Variants in YY1AP1 observed in about 807,000 individuals in gnomAD.
The protein encoded by YY1AP1 is YY1-associated protein 1.
In YY1AP1, 43 loss-of-function variants were observed where a neutral mutation model predicts 39.9. That is an observed-to-expected ratio of 1.08 (90% confidence interval 0.84 to 1.39). The LOEUF is 1.39. Among genes scored for constraint, YY1AP1 ranks in the 40% most tolerant of loss-of-function variants. The pLI, the probability that YY1AP1 is intolerant of heterozygous loss-of-function variation, is 0.00. For synonymous variants in YY1AP1, 292 were observed against 331.3 expected (o/e 0.88, Z 1.29); for missense variants, 813 against 900.7 (o/e 0.90, Z 1.25).
At position 155,676,753 on chromosome 1, in the gene YY1AP1, C is replaced by G; in HGVS notation, c.126-7G>C. The G allele has an allele frequency of 3.1e-6, 5 of 1,613,762 alleles. No homozygotes were observed. The highest frequency in any genetic ancestry group is 2.2e-5 in the South Asian group (2 of 91,054). ...GGCCAGTAGTTCCTCAAACCTATCC[C>G]AAACGGGGATGACTGAATTTGAGTG... is the stretch of plus-strand genomic sequence containing the variant. On this transcript the variant is annotated splice_polypyrimidine_tract_variant and splice_region_variant and intron_variant, in intron 4 of 10. Transcript: ENST00000355499.
Position 155,672,811 on chromosome 1 carries a change from G to C in YY1AP1, c.412-80C>G, listed in dbSNP as rs111458980. ...ATAGCCTTCAGAATCTAAATGAGAA[G>C]CTGACCTTCCTACTACAGGATAAAA... is the stretch of plus-strand genomic sequence containing the variant. On this transcript the variant is annotated intron_variant, in intron 6 of 10. Coordinates refer to ENST00000355499, the MANE Select transcript of YY1AP1 (RefSeq NM_139119.3). 6.9e-5 allele frequency: 110 copies of C among 1,594,900 alleles called. 1 individual carries two copies. In the African/African-American group the frequency reaches 9.5e-4, roughly 14 times the overall value.
At chr1:155,672,917 T>C (rs1343178877) in intron 6 of YY1AP1, among the ~76,000 whole-genome samples, 186 bp from the exon 7 acceptor site, 2 of 152,240 alleles carry the variant, frequency 1.3e-5, no homozygotes, top group Non-Finnish European at 2.9e-5. Flanking sequence ...TCAGGGATTA[T>C]ATTCTTGTTT....
At chr1:155,679,253 C>A (rs764019145) in intron 4 of YY1AP1, 156 bp downstream of exon 4, 2 of 1,537,024 alleles carry the variant, frequency 1.3e-6, no homozygotes, top group Admixed American at 2.0e-5. Flanking sequence ...AACAAGGAGA[C>A]TTCACTTGAC....
chr1:155,670,096 AGCC>A (rs1433137536), intron 8 of YY1AP1, among the ~76,000 whole-genome samples: 4 of 152,056 alleles, frequency 2.6e-5, no homozygotes, highest in Non-Finnish European at 5.9e-5. Flanking sequence ...TACAGGTGGG[AGCC>A]GCCATGTCCA....
chr1:155,682,400 T>TA (rs1187237497), intron 2 of YY1AP1, among the ~76,000 whole-genome samples: 3 of 152,160 alleles, frequency 2.0e-5, no homozygotes, highest in African/African-American at 7.2e-5. Context: ...AGATAAAAAA[T>TA]AGACATTTTT....
chr1:155,685,363 A>T (rs1330619998), intron 2 of YY1AP1, among the ~76,000 whole-genome samples: 1 of 152,152 alleles, frequency 6.6e-6, no homozygotes, highest in Non-Finnish European at 1.5e-5. Context: ...AAGCACAGAG[A>T]CCATATATTA....
intron 10 of YY1AP1, 54 bp from the exon 11 acceptor site, chr1:155,660,967 A>T: frequency 6.2e-7 from 1 of 1,612,468 alleles, no homozygotes; most frequent in Non-Finnish European, 8.5e-7. Context: ...TGGGAAAAAG[A>T]ATAGGACTTT....
At chr1:155,679,373 CTCTA>C (rs1478496834) in intron 4 of YY1AP1, 32 bp downstream of exon 4, 1 of 1,613,982 alleles carries the variant, frequency 6.2e-7, no homozygotes, top group African/African-American at 1.3e-5. Flanking sequence ...TAAACTCTTC[CTCTA>C]TTCCAAATCT....
chr1:155,677,398 A>G (rs1029809110), intron 4 of YY1AP1, among the ~76,000 whole-genome samples: 1 of 152,166 alleles, frequency 6.6e-6, no homozygotes, highest in Non-Finnish European at 1.5e-5. Context: ...GCTGAAGCAA[A>G]AATTCCAATA....
intron 9 of YY1AP1, among the ~76,000 whole-genome samples, chr1:155,664,246 A>G (rs1648611800): frequency 6.6e-6 from 1 of 152,146 alleles, no homozygotes; most frequent in Non-Finnish European, 1.5e-5. Flanking sequence ...AGAATTCTAG[A>G]TACAGTGACA....
At chr1:155,688,981 C>A (rs1487058396), upstream of YY1AP1, 3 of 1,607,098 alleles carry the variant, frequency 1.9e-6, no homozygotes, top group Non-Finnish European at 2.5e-6. Flanking sequence ...CTCCATGGGA[C>A]CGCGGCGAGG....
intron 2 of YY1AP1, 25 bp from the exon 3 acceptor site, chr1:155,680,481 G>A (rs1239910206): frequency 6.2e-7 from 1 of 1,600,508 alleles, no homozygotes; most frequent in Non-Finnish European, 8.6e-7. Flanking sequence ...AACGTTGTTG[G>A]TATAAATTAG....
intron 9 of YY1AP1, among the ~76,000 whole-genome samples, chr1:155,666,626 G>C (rs1649050172): frequency 6.6e-6 from 1 of 152,142 alleles, no homozygotes; most frequent in Non-Finnish European, 1.5e-5. Context: ...GTACCAATTA[G>C]AGGCTGAGAC....
chr1:155,660,571 C>A lies in YY1AP1; in HGVS notation c.1339G>T (p.Val447Leu), dbSNP rs145508654. The change falls in exon 11 of 11, where the codon GTG (valine) becomes TTG (leucine). Residue 447 changes from valine (V) to leucine (L), a missense_variant. Physicochemically the swap from Val to Leu is conservative, Grantham distance 32 (BLOSUM62 1). Around this residue, in one of 3 missense-constraint regions of YY1AP1, gnomAD observed 586 missense variants for 647.4 expected, o/e 0.91. Transcript: ENST00000355499. ...THSEAPPSKM[V>L]LRIPHPIQPA... ...TGTATTGGGTGAGGAATCCGGAGCA[C>A]CATTTTGCTCGGAGGGGCTTCTGAA... 5.9e-5 allele frequency: 95 copies of A among 1,613,944 alleles called. No homozygotes were observed. Among genetic ancestry groups the A allele is most frequent in the Non-Finnish European group, 7.4e-5 (87 of 1,180,018 alleles).
chr1:155,673,026 T>A (rs1650085202), intron 6 of YY1AP1, among the ~76,000 whole-genome samples: 1 of 152,098 alleles, frequency 6.6e-6, no homozygotes, highest in African/African-American at 2.4e-5. Context: ...TTTAATTAAT[T>A]AATTTATTTT....
Position 155,660,641 on chromosome 1 carries a change from G to C in YY1AP1, c.1269C>G (p.Leu423=), listed in dbSNP as rs1189727690. The change falls in exon 11 of 11, where the codon CTC becomes CTG. Residue 423 remains leucine, a synonymous_variant. Transcript: ENST00000355499. ...KPLLIQPSPS[L]QPSFNPGKTP... ...TTTTCCCAGGGTTGAAGCTGGGCTGGAGAGAGGGGCTGGGTTGGATAAGGA... is the reference window on the plus strand; with the variant it reads ...TTTTCCCAGGGTTGAAGCTGGGCTGCAGAGAGGGGCTGGGTTGGATAAGGA... 9 of 1,614,190 alleles carry C rather than the reference G, an allele frequency of 5.6e-6. No homozygotes were observed. The highest frequency in any genetic ancestry group is 7.6e-6 in the Non-Finnish European group (9 of 1,180,038).
intron 9 of YY1AP1, 90 bp from the exon 10 acceptor site, chr1:155,661,513 A>T: frequency 6.3e-7 from 1 of 1,579,394 alleles, no homozygotes. Context: ...GTGGATCAAG[A>T]GAAACACACA....
intron 2 of YY1AP1, among the ~76,000 whole-genome samples, chr1:155,686,592 A>G (rs1209284408): frequency 6.6e-6 from 1 of 152,136 alleles, no homozygotes; most frequent in South Asian, 2.1e-4. Flanking sequence ...TTGAATGGTT[A>G]TATTTGTTGA....
chr1:155,686,225 C>T (rs1397173631), intron 2 of YY1AP1, among the ~76,000 whole-genome samples: 4 of 151,654 alleles, frequency 2.6e-5, no homozygotes, highest in South Asian at 2.1e-4. Context: ...TTAGTAGAGA[C>T]GGGGTTTCAT....
Sources: gnomAD v4.1 joint callset for allele counts (sites outside exome capture counted in the v4.1 genomes callset) on GRCh38, gnomAD v4.1.1 for gene constraint, gnomAD v4.1.1 regional missense constraint, MANE v1.5 for transcripts, NCBI Gene and HGNC (gene_info 2026-07-23, HGNC 2026-07-21) for gene names.